The following COL18A1 variants were observed in gnomAD, a reference collection of about 807,000 sequenced individuals.
COL18A1 encodes collagen type XVIII alpha 1 chain.
Under a neutral mutation model 168.0 loss-of-function variants are expected in COL18A1, and 133 were observed. The ratio of observed to expected loss-of-function variants is 0.79; its 90% CI spans 0.69 to 0.91. The LOEUF is 0.91. Ranked by LOEUF, COL18A1 falls within the 40% of genes least tolerant of loss-of-function variation. The probability of loss-of-function intolerance (pLI) is 0.00; values close to 1 mark genes in which losing one functional copy is unlikely to be tolerated. For missense variants in COL18A1, 2,126 were observed against 1,925.4 expected (o/e 1.10, Z -1.95); for synonymous variants, 949 against 809.0 (o/e 1.17, Z -2.94).
In COL18A1 at chr21:45,502,583, G is replaced by GTTAA. The variant is rs376072148; in HGVS notation, c.2684-1425_2684-1422dup. The GTTAA allele has an allele frequency of 8.5e-5, 13 of 152,324 alleles. No homozygotes were observed. In the East Asian group the frequency reaches 2.5e-3, roughly 29 times the overall value. The allele number at this position is 152,324 out of a possible 1,614,324, so 9.4% of individuals were successfully genotyped here. ...GATCAAGAAAGTCCAAAAATCCAAA[G>GTTAA]TTAATTCTTTGCAAAGGCGAACAAC... On this transcript the variant is annotated intron_variant, in intron 32 of 41. Coordinates refer to ENST00000651438, the MANE Select transcript of COL18A1 (RefSeq NM_001379500.1).
rs2034872403 is a variant in COL18A1, at chr21:45,457,374, C to CT, written c.107-10867dup. On this transcript the variant is annotated intron_variant, in intron 2 of 41. Coordinates refer to ENST00000651438, the MANE Select transcript of COL18A1 (RefSeq NM_001379500.1). The surrounding 1 kb of genome is among the most constrained non-coding windows in gnomAD (Gnocchi z 4.6). ...CTGCCGCGTGGGCAGTGCAGAGACC[C>CT]TACCAGCGTGGGGACCAGGGAGGTC... is the stretch of plus-strand genomic sequence containing the variant. Among the ~76,000 whole-genome samples the CT allele has an allele frequency of 6.6e-6, 1 of 152,184 alleles. No individual in the cohort carries two copies. Among genetic ancestry groups the CT allele is most frequent in the African/African-American group, 2.4e-5 (1 of 41,452 alleles).
intron 2 of COL18A1, among the ~76,000 whole-genome samples, chr21:45,445,705 T>C (rs964367783): frequency 2.6e-5 from 4 of 152,246 alleles, no homozygotes; most frequent in African/African-American, 9.6e-5. Context: ...TGACTGATAA[T>C]GTTGAACATC....
chr21:45,419,148 T>A (rs1235851482), intron 2 of COL18A1, among the ~76,000 whole-genome samples: 2 of 152,062 alleles, frequency 1.3e-5, no homozygotes, highest in Non-Finnish European at 2.9e-5. Flanking sequence ...CACGATGCCG[T>A]GTGTAGTGAC....
intron 2 of COL18A1, among the ~76,000 whole-genome samples, chr21:45,430,673 G>A (rs1174404006): frequency 2.6e-5 from 4 of 152,312 alleles, no homozygotes; most frequent in Admixed American, 6.5e-5. Flanking sequence ...GTCTCGGCCC[G>A]GGGTCTCGTG....
rs745870737 is a variant in COL18A1 at position 45,488,489 on chromosome 21, C to T, written c.1923+45C>T. The T allele has an allele frequency of 6.8e-6, 11 of 1,613,352 alleles. No homozygotes were observed. The African/African-American group carries it at 1.1e-4, about 16-fold the overall frequency. Reference sequence around the variant, plus strand: ...GGGTTTCTGTGGTTGCTGGCTTGGCCCTGTCTCGACATCTTGGGGCTGGGG... The same window carrying T: ...GGGTTTCTGTGGTTGCTGGCTTGGCTCTGTCTCGACATCTTGGGGCTGGGG... On this transcript the variant is annotated intron_variant, in intron 18 of 41. Transcript: ENST00000651438.
rs774457518 is a variant in COL18A1, at chr21:45,425,641, G to T, written c.106+20168G>T. 4.6e-5 allele frequency among the ~76,000 whole-genome samples: 7 copies of T among 152,148 alleles called. No homozygotes were observed. The highest frequency in any genetic ancestry group is 7.3e-5 in the Non-Finnish European group (5 of 68,030). ...TGTCTGGAGTCAGAGGGTCCCTCTC[G>T]TCGTCCAGCCTCCCCGGCTCCTCAG... On this transcript the variant is annotated intron_variant, in intron 2 of 41. Transcript: ENST00000651438. This position sits in a 1 kb window ranked among gnomAD's most constrained non-coding sequence, Gnocchi z 4.1.
rs751718038 is a variant in COL18A1, at chr21:45,485,149, A to ATTTTTTTTTTTTTTTT, written c.1702-1696_1702-1681dup. ...AGGCATCTGCCACCACACCTGGCTA[A>ATTTTTTTTTTTTTTTT]TTTTTTTTTTTTTTTTTTTTTTTTT... On this transcript the variant is annotated intron_variant, in intron 15 of 41. Transcript: ENST00000651438. 1.6e-4 allele frequency among the ~76,000 whole-genome samples: 9 copies of ATTTTTTTTTTTTTTTT among 55,052 alleles called. 1 individual carries two copies. Among genetic ancestry groups the ATTTTTTTTTTTTTTTT allele is most frequent in the Non-Finnish European group, 2.7e-4 (8 of 30,152 alleles). The allele number at this position is 55,052 out of a possible 152,430, so 36.1% of individuals were successfully genotyped here. A position where few individuals can be genotyped will look rare whatever the true frequency, so the allele number is the denominator to read the frequency against.
At chr21:45,422,698 G>A (rs780431650) in intron 2 of COL18A1, 1 of 311,558 alleles carries the variant, frequency 3.2e-6, no homozygotes, top group Non-Finnish European at 6.4e-6. Context: ...CCCAGGTCAG[G>A]CCACTGGGTG....
intron 2 of COL18A1, among the ~76,000 whole-genome samples, chr21:45,447,321 A>G (rs1331908341): frequency 3.3e-5 from 5 of 150,338 alleles, no homozygotes; most frequent in Admixed American, 6.6e-5. Flanking sequence ...AGTAATCCAC[A>G]AAAAAACTAT....
chr21:45,440,604 G>C lies in COL18A1; in HGVS notation c.107-27638G>C, dbSNP rs573513350. ...GCCACGTTCCCCGGAAGCAGTCGGG[G>C]CCTGCTGGGGTTTGAGCCACGTTCC... On this transcript the variant is annotated intron_variant, in intron 2 of 41. Transcript: ENST00000651438. 5.5e-4 allele frequency among the ~76,000 whole-genome samples: 83 copies of C among 151,360 alleles called. 1 individual carries two copies. The highest frequency in any genetic ancestry group is 8.6e-4 in the Non-Finnish European group (58 of 67,694).
chr21:45,453,532 C>T (rs773722766), intron 2 of COL18A1, among the ~76,000 whole-genome samples: 10 of 152,206 alleles, frequency 6.6e-5, no homozygotes, highest in Admixed American at 1.3e-4. Context: ...GCTGTGGAGC[C>T]GTGGCAGAGC....
intron 37 of COL18A1, chr21:45,507,160 G>C (rs1404064369): frequency 4.1e-5 from 6 of 147,150 alleles, no homozygotes; most frequent in South Asian, 3.5e-4. Context: ...TGGGAGGGCC[G>C]GGTGTTGGGG....
chr21:45,437,121 AGACACACAGGCACTCTCCACACACACT>A (rs1569287162), intron 2 of COL18A1, among the ~76,000 whole-genome samples: 3 of 100,218 alleles, frequency 3.0e-5, no homozygotes, highest in African/African-American at 6.1e-5. Flanking sequence ...ACTCACACAC[AGACACACAGGCACTCTCCACACACACT>A]CACACTCAGA....
rs1427546723 is a variant in COL18A1 at position 45,478,351 on chromosome 21, C to T, written c.1246C>T (p.Pro416Ser). The change falls in exon 9 of 42, where the codon CCG becomes TCG. Residue 416 changes from proline to serine, a missense_variant and splice_region_variant. Pro to Ser is a moderately conservative substitution (Grantham distance 74). Coordinates refer to ENST00000651438, the MANE Select transcript of COL18A1 (RefSeq NM_001379500.1). ...GGGCGACCCCGGTGAAGACGGAAAGCCGGTGAGTCTGCTTTTCTTTCTGAC... is the reference window on the plus strand; with the variant it reads ...GGGCGACCCCGGTGAAGACGGAAAGTCGGTGAGTCTGCTTTTCTTTCTGAC... Reference protein sequence around the residue: ...EPGDPGEDGKPGDTGPQGFPG... With the variant: ...EPGDPGEDGKSGDTGPQGFPG... The T allele has an allele frequency of 3.1e-6, 5 of 1,614,060 alleles. No individual in the cohort carries two copies. The highest frequency in any genetic ancestry group is 4.2e-6 in the Non-Finnish European group (5 of 1,180,034).
At chr21:45,435,402 G>C (rs2034072665) in intron 2 of COL18A1, among the ~76,000 whole-genome samples, 1 of 151,800 alleles carries the variant, frequency 6.6e-6, no homozygotes, top group South Asian at 2.1e-4. Context: ...GGTTGGTTAG[G>C]TCTGGGTTCA....
rs71317794 is a variant in COL18A1 at position 45,471,096 on chromosome 21, G to A, written c.651+2310G>A. 3.1e-5 allele frequency among the ~76,000 whole-genome samples: 4 copies of A among 129,866 alleles called. No individual in the cohort carries two copies. The highest frequency in any genetic ancestry group is 5.5e-5 in the Non-Finnish European group (3 of 54,578). The allele number at this position is 129,866 out of a possible 152,430, so 85.2% of individuals were successfully genotyped here. On this transcript the variant is annotated intron_variant, in intron 3 of 41. Coordinates refer to ENST00000651438, the MANE Select transcript of COL18A1 (RefSeq NM_001379500.1). This position sits in a 1 kb window ranked among gnomAD's most constrained non-coding sequence, Gnocchi z 4.4. ...GGGCCTGGGTGGCGCGCTACGGGCC[G>A]TGTGCTGCTGGGCCTGGGTGGCGCA...
At chr21:45,504,238 G>A (rs1006396835) in intron 33 of COL18A1, 178 bp from the exon 34 acceptor site, 6 of 901,636 alleles carry the variant, frequency 6.7e-6, no homozygotes, top group African/African-American at 1.7e-5. Flanking sequence ...TCAGTTTTTG[G>A]GGGACTCGGC....
At chr21:45,482,916 A>G in intron 15 of COL18A1, 95 bp downstream of exon 15, 1 of 1,585,260 alleles carries the variant, frequency 6.3e-7, no homozygotes, top group Non-Finnish European at 8.6e-7. Flanking sequence ...CGGTCGAGAG[A>G]GTGAGCTCTC....
rs11910280 is a variant in COL18A1 at position 45,491,578 on chromosome 21, A to G, written c.2157+264A>G. Among the ~76,000 whole-genome samples, 427 of 142,300 alleles carry G rather than the reference A, an allele frequency of 3.0e-3. 3 individuals carry two copies. Among genetic ancestry groups the G allele is most frequent in the African/African-American group, 0.01 (401 of 39,994 alleles). The allele number at this position is 142,300 out of a possible 152,430, so 93.4% of individuals were successfully genotyped here. ...CAGTGTTTTTACGTCAAAGGCTCCC[A>G]TTGGGCTCACTCCCTGTGTCCTTGA... On this transcript the variant is annotated intron_variant, in intron 22 of 41. Transcript: ENST00000651438.
Sources: gnomAD v4.1 joint callset for allele counts (sites outside exome capture counted in the v4.1 genomes callset) on GRCh38, gnomAD v4.1.1 for gene constraint, Gnocchi (gnomAD v3.1) non-coding constraint, MANE v1.5 for transcripts, NCBI Gene and HGNC (gene_info 2026-07-23, HGNC 2026-07-21) for gene names.